ABCD2: variants seen among roughly 807,000 people sequenced by gnomAD.
ABCD2 encodes the protein ATP binding cassette subfamily D member 2, also known as ATP-binding cassette sub-family D member 2.
A neutral mutation model predicts 70.9 loss-of-function variants in ABCD2; 36 were observed. The observed-to-expected ratio is 0.51, with a 90% CI of 0.39 to 0.67. The LOEUF (loss-of-function observed/expected upper bound fraction) is 0.67. Ranked by LOEUF, ABCD2 falls within the 30% of genes least tolerant of loss-of-function variation. The probability of loss-of-function intolerance (pLI) is 0.00; values close to 1 mark genes in which losing one functional copy is unlikely to be tolerated. For synonymous variants in ABCD2, 304 were observed against 306.9 expected, an observed-to-expected ratio of 0.99 and a Z score of 0.10; for missense variants, 729 against 890.2, an observed-to-expected ratio of 0.82 and a Z score of 2.30.
At chr12:39,536,245 T>C in the ABCD2 span, among the ~76,000 whole-genome samples, 1 of 152,242 alleles carries the variant, frequency 6.6e-6, no homozygotes, top group Non-Finnish European at 1.5e-5. Context: ...CTTTTATTTG[T>C]TCCCTACATC....
intron 7 of ABCD2, among the ~76,000 whole-genome samples, chr12:39,581,711 C>A (rs958818480): frequency 3.9e-5 from 6 of 152,066 alleles, no homozygotes; most frequent in Non-Finnish European, 7.4e-5. Flanking sequence ...GTATTTGGGT[C>A]AAAGGACACT....
Position 39,585,404 on chromosome 12 carries a change from A to G in ABCD2, c.1792+748T>C, listed in dbSNP as rs147134652. ...TTTGCTGAAGTTGTTTATCAGCTGA[A>G]GGAGCTTTGAGCTGAGACTATGGGG... On this transcript the variant is annotated intron_variant, in intron 7 of 9. Coordinates refer to ENST00000308666, the MANE Select transcript of ABCD2 (RefSeq NM_005164.4). 1.6e-3 allele frequency among the ~76,000 whole-genome samples: 243 copies of G among 152,256 alleles called. 1 individual carries two copies. In the East Asian group the frequency reaches 0.024, roughly 15 times the overall value.
chr12:39,546,305 T>G (rs528940190), downstream of ABCD2, among the ~76,000 whole-genome samples: 1 of 152,258 alleles, frequency 6.6e-6, no homozygotes, highest in African/African-American at 2.4e-5. Context: ...TATTTTTTGC[T>G]CCATTTGTAT....
At chr12:39,539,633 C>T in the ABCD2 span, 4 of 152,764 alleles carry the variant, frequency 2.6e-5, no homozygotes, top group African/African-American at 9.6e-5. Context: ...ACTTGCCCCA[C>T]CCTTGCTGAT....
rs913362990 is a variant in ABCD2 at position 39,586,237 on chromosome 12, A to G, written c.1707T>C (p.Asp569=). 2.5e-6 allele frequency: 4 copies of G among 1,613,612 alleles called. No individual in the cohort carries two copies. Among genetic ancestry groups the G allele is most frequent in the Non-Finnish European group, 2.5e-6 (3 of 1,179,680 alleles). Reference sequence around the variant, plus strand: ...GGTCTGTATAACCTTTATCATGCATATCATCCACTGAATCAGGGTAAATGA... The same window carrying G: ...GGTCTGTATAACCTTTATCATGCATGTCATCCACTGAATCAGGGTAAATGA... ...DQVIYPDSVD[D]MHDKGYTDQD... The change falls in exon 7 of 10, where the codon GAT becomes GAC. Residue 569 remains aspartate (D), a synonymous_variant. Transcript: ENST00000308666.
rs1942150219 is a variant in ABCD2 at position 39,618,711 on chromosome 12, T to C, written c.905A>G (p.Asn302Ser). The change falls in exon 1 of 10, where the codon AAT (asparagine) becomes AGT (serine). Residue 302 changes from asparagine to serine, a missense_variant. Asn to Ser is a conservative substitution (Grantham distance 46). This residue lies in a region of ABCD2 where 195 missense variants were observed against 300.2 expected (regional missense o/e 0.65). Transcript: ENST00000308666. ...LRYVHSRIIA[N>S]VEEIAFYRGH... ...TCTGTAAAAGGCAATTTCTTCTACA[T>C]TGGCTATAATTCTCGAGTGCACATA... is the stretch of plus-strand genomic sequence containing the variant. The C allele has an allele frequency of 1.2e-6, 2 of 1,614,194 alleles. No homozygotes were observed. The highest frequency in any genetic ancestry group is 1.7e-6 in the Non-Finnish European group (2 of 1,180,028).
the ABCD2 span, among the ~76,000 whole-genome samples, chr12:39,534,752 GAAAGAAAGA>G: frequency 1.4e-5 from 1 of 71,722 alleles, no homozygotes; most frequent in Admixed American, 1.8e-4. Flanking sequence ...AGGAAGGAAA[GAAAGAAAGA>G]GAAAGAAAGA....
At chr12:39,585,328 G>A (rs1279431402) in intron 7 of ABCD2, among the ~76,000 whole-genome samples, 1 of 152,068 alleles carries the variant, frequency 6.6e-6, no homozygotes, top group East Asian at 1.9e-4. Context: ...GGCTGTTGTT[G>A]GTGTATAGCA....
chr12:39,575,127 A>G (rs1466094484), intron 8 of ABCD2, among the ~76,000 whole-genome samples: 1 of 152,240 alleles, frequency 6.6e-6, no homozygotes, highest in Admixed American at 6.5e-5. Flanking sequence ...TAAAGGAAGT[A>G]TAAAAGTGAA....
rs562518143 is a variant in ABCD2 at position 39,550,698 on chromosome 12, T to A, written c.*3214A>T. 2 of 151,976 alleles carry A rather than the reference T, an allele frequency of 1.3e-5. No individual in the cohort carries two copies. Among genetic ancestry groups the A allele is most frequent in the South Asian group, 4.1e-4 (2 of 4,832 alleles). The allele number at this position is 151,976 out of a possible 1,614,324, so 9.4% of individuals were successfully genotyped here. Reference sequence around the variant, plus strand: ...TCAGAACTGTAAATAGCCTAGGCTATGTGAAAGTACTTTTCACTTCTAAAT... The same window carrying A: ...TCAGAACTGTAAATAGCCTAGGCTAAGTGAAAGTACTTTTCACTTCTAAAT... On this transcript the variant is annotated 3_prime_UTR_variant, in exon 10 of 10. Transcript: ENST00000308666.
chr12:39,616,910 TC>T (rs1419112431), intron 2 of ABCD2, 77 bp downstream of exon 2: 1 of 1,331,714 alleles, frequency 7.5e-7, no homozygotes, highest in African/African-American at 1.5e-5. Context: ...ACAGTTTAGC[TC>T]ACATAAAACT....
intron 7 of ABCD2, among the ~76,000 whole-genome samples, chr12:39,585,911 T>G (rs1471927016): frequency 6.6e-6 from 1 of 152,100 alleles, no homozygotes; most frequent in African/African-American, 2.4e-5. Flanking sequence ...AAAAAAACTG[T>G]TTTTAAATGT....
chr12:39,592,155 A>G (rs1941755366), intron 6 of ABCD2, among the ~76,000 whole-genome samples: 1 of 152,236 alleles, frequency 6.6e-6, no homozygotes, highest in Non-Finnish European at 1.5e-5. Flanking sequence ...GTATTTATAC[A>G]AAGATTACTT....
chr12:39,550,296 A>G lies in ABCD2; in HGVS notation c.*3616T>C, dbSNP rs1488951289. ...GAATAATTTGTAATTCCTTTGATTA[A>G]TCTAGTCTTTTTCTTAATGGTTAAG... On this transcript the variant is annotated 3_prime_UTR_variant, in exon 10 of 10. Coordinates refer to ENST00000308666, the MANE Select transcript of ABCD2 (RefSeq NM_005164.4). 2.0e-5 allele frequency: 3 copies of G among 151,716 alleles called. No individual in the cohort carries two copies. Among genetic ancestry groups the G allele is most frequent in the Non-Finnish European group, 4.4e-5 (3 of 67,742 alleles). 9.4% of individuals were successfully genotyped at this position (151,716 alleles called of 1,614,324 possible). A position where few individuals can be genotyped will look rare whatever the true frequency, so the allele number is the denominator to read the frequency against.
intron 9 of ABCD2, among the ~76,000 whole-genome samples, chr12:39,571,881 G>A (rs927823026): frequency 2.6e-5 from 4 of 151,946 alleles, no homozygotes; most frequent in Admixed American, 6.6e-5. Flanking sequence ...TTGTTGTTAT[G>A]GGAAAAATAT....
Position 39,604,942 on chromosome 12 carries a change from A to C in ABCD2, c.1237-12T>G. Reference sequence around the variant, plus strand: ...GCTAATTCAGTGACCTAAAAGCAACACAGAGATATAAAATAGAGTTACTAT... The same window carrying C: ...GCTAATTCAGTGACCTAAAAGCAACCCAGAGATATAAAATAGAGTTACTAT... On this transcript the variant is annotated splice_polypyrimidine_tract_variant and intron_variant, in intron 3 of 9. Transcript: ENST00000308666. 1 of 1,559,706 alleles carries C rather than the reference A, an allele frequency of 6.4e-7. No individual in the cohort carries two copies. Among genetic ancestry groups the C allele is most frequent in the Non-Finnish European group, 8.6e-7 (1 of 1,158,718 alleles).
the ABCD2 span, among the ~76,000 whole-genome samples, chr12:39,538,171 C>CTTTT: frequency 5.7e-5 from 8 of 139,692 alleles, no homozygotes; most frequent in South Asian, 2.3e-4. Flanking sequence ...TTCTTTCTTT[C>CTTTT]TTTTTTTTTT....
chr12:39,607,765 T>TA, intron 2 of ABCD2, 51 bp from the exon 3 acceptor site: 1 of 1,131,628 alleles, frequency 8.8e-7, no homozygotes, highest in Non-Finnish European at 1.3e-6. Context: ...TTTTTTTTTT[T>TA]AGTAACTTAA....
intron 7 of ABCD2, among the ~76,000 whole-genome samples, chr12:39,581,882 G>A (rs562188154): frequency 6.6e-6 from 1 of 152,300 alleles, no homozygotes; most frequent in Non-Finnish European, 1.5e-5. Context: ...CAGCAAAGAA[G>A]AGAATGATTT....
Sources: allele counts gnomAD v4.1 joint callset (sites outside exome capture counted in the v4.1 genomes callset), GRCh38; gene constraint gnomAD v4.1.1; regional missense constraint gnomAD v4.1.1; transcripts MANE v1.5; gene names NCBI Gene and HGNC (gene_info 2026-07-23, HGNC 2026-07-21).